Variants in CUL2 observed in about 807,000 individuals in gnomAD.
CUL2 encodes the protein cullin-2.
Under a neutral mutation model 110.2 loss-of-function variants are expected in CUL2, and 22 were observed. That is an observed-to-expected ratio of 0.20 (90% CI 0.14 to 0.28). The LOEUF (loss-of-function observed/expected upper bound fraction) is 0.28. Among genes scored for constraint, CUL2 ranks in the 10% least tolerant of loss-of-function variants. The pLI is 1.00. For missense variants in CUL2, 631 were observed against 905.5 expected, an observed-to-expected ratio of 0.70 and a Z score of 3.89; for synonymous variants, 279 against 293.2, an observed-to-expected ratio of 0.95 and a Z score of 0.49.
At chr10:35,085,759 AC>A (rs1215845521) in intron 1 of CUL2, among the ~76,000 whole-genome samples, 2 of 152,208 alleles carry the variant, frequency 1.3e-5, no homozygotes, top group African/African-American at 4.8e-5. Context: ...TCACAGCCAG[AC>A]ATTTTTCCAG....
chr10:35,041,599 G>A (rs954385153), intron 8 of CUL2, among the ~76,000 whole-genome samples: 2 of 152,184 alleles, frequency 1.3e-5, no homozygotes, highest in African/African-American at 2.4e-5. Context: ...GGGCAGTGGT[G>A]CAATCTCGGC....
chr10:35,025,225 T>G (rs769804277), intron 16 of CUL2, 27 bp from the exon 17 acceptor site: 4 of 1,526,842 alleles, frequency 2.6e-6, no homozygotes, highest in Non-Finnish European at 2.6e-6. Context: ...AAAACACACA[T>G]TATTTTTAGC....
At chr10:35,028,727 C>A (rs527336680) in intron 16 of CUL2, 83 bp downstream of exon 16, 4 of 896,210 alleles carry the variant, frequency 4.5e-6, no homozygotes, top group Non-Finnish European at 7.0e-6. Flanking sequence ...CCTTAAGACT[C>A]TGAAAAAATA....
intron 1 of CUL2, among the ~76,000 whole-genome samples, chr10:35,074,847 G>A (rs1332391340): frequency 1.3e-5 from 2 of 152,104 alleles, no homozygotes; most frequent in Non-Finnish European, 2.9e-5. Context: ...TCCTATCATA[G>A]GTATTACCTG....
chr10:35,079,525 G>A (rs1288188771), intron 1 of CUL2: 1 of 152,626 alleles, frequency 6.6e-6, no homozygotes, highest in African/African-American at 2.4e-5. Context: ...ACCCACCAGT[G>A]TAATGCCTTT....
At chr10:35,117,210 T>C (rs1390735281) in intron 1 of CUL2, among the ~76,000 whole-genome samples, 1 of 152,140 alleles carries the variant, frequency 6.6e-6, no homozygotes, top group Non-Finnish European at 1.5e-5. Flanking sequence ...TACTGGTATA[T>C]GTTTAGCTAG....
Position 35,032,434 on chromosome 10 carries a change from C to T in CUL2, c.1170+1G>A. ...TACTTTTCAGCAACCACCAAACTTA[C>T]CAGTTCAGGTGCTTTGCAAACAGAC... is the stretch of plus-strand genomic sequence containing the variant. On this transcript the variant is annotated splice_donor_variant, in intron 12 of 20. Coordinates refer to ENST00000374749, the MANE Select transcript of CUL2 (RefSeq NM_003591.4). LOFTEE classifies it high-confidence loss of function. 1 of 1,592,326 alleles carries T rather than the reference C, an allele frequency of 6.3e-7. No individual in the cohort carries two copies. The highest frequency in any genetic ancestry group is 1.8e-5 in the Admixed American group (1 of 54,236).
At chr10:35,048,419 A>G (rs890213421) in intron 6 of CUL2, among the ~76,000 whole-genome samples, 15 of 152,208 alleles carry the variant, frequency 9.9e-5, no homozygotes, top group African/African-American at 3.6e-4. Context: ...GCAAACTAAC[A>G]ATCACACTAA....
At chr10:35,063,120 A>AT (rs1416635264) in intron 2 of CUL2, 58 bp from the exon 3 acceptor site, 6 of 993,276 alleles carry the variant, frequency 6.0e-6, no homozygotes, top group Non-Finnish European at 9.3e-6. Flanking sequence ...ACATAATGAG[A>AT]TTTACCTTGT....
In CUL2 at chr10:35,009,861, ATTTC is replaced by A. The variant is rs1293891499; in HGVS notation, c.*446_*449del. On this transcript the variant is annotated 3_prime_UTR_variant, in exon 21 of 21. Transcript: ENST00000374749. The stretch of plus-strand genomic sequence containing the variant: ...TCCATCCACATAAAAAAGGCATTCT[ATTTC>A]TTTATTTTTTTTTTATTTGACAAGC... The A allele has an allele frequency of 1.3e-5, 2 of 151,856 alleles. No homozygotes were observed. Among genetic ancestry groups the A allele is most frequent in the African/African-American group, 2.4e-5 (1 of 41,184 alleles). The allele number at this position is 151,856 out of a possible 1,614,324, so 9.4% of individuals were successfully genotyped here. A position where few individuals can be genotyped will look rare whatever the true frequency, so the allele number is the denominator to read the frequency against.
chr10:35,009,547 C>G lies in CUL2; in HGVS notation c.*764G>C, dbSNP rs1323894445. The G allele has an allele frequency of 1.3e-5, 2 of 152,156 alleles. No homozygotes were observed. The highest frequency in any genetic ancestry group is 4.8e-5 in the African/African-American group (2 of 41,424). 9.4% of individuals were successfully genotyped at this position (152,156 alleles called of 1,614,324 possible). On this transcript the variant is annotated 3_prime_UTR_variant, in exon 21 of 21. Coordinates refer to ENST00000374749, the MANE Select transcript of CUL2 (RefSeq NM_003591.4). ...CTCTCTGTGCCAGACTTGAGGTCAC[C>G]AAGCATCCTGCTCACACTCTGCGAT...
intron 1 of CUL2, among the ~76,000 whole-genome samples, chr10:35,077,270 G>C (rs966484741): frequency 6.6e-6 from 1 of 151,456 alleles, no homozygotes; most frequent in African/African-American, 2.4e-5. Context: ...CTCCAGTCTG[G>C]GCAACAGAGC....
rs368871909 is a variant in CUL2 at position 35,068,272 on chromosome 10, A to G, written c.119+2927T>C. On this transcript the variant is annotated intron_variant, in intron 2 of 20. Transcript: ENST00000374749. ...CCCCATTTCTACCAAAAATACAAAA[A>G]TTAGCCAGGCATGGTGGCGGGCACT... Among the ~76,000 whole-genome samples the G allele has an allele frequency of 4.9e-4, 75 of 152,016 alleles. No individual in the cohort carries two copies. The South Asian group carries it at 0.015, about 31-fold the overall frequency.
At chr10:35,052,907 GA>G (rs576908955) in intron 5 of CUL2, among the ~76,000 whole-genome samples, 4,885 of 134,442 alleles carry the variant, frequency 0.036, 255 homozygotes, top group African/African-American at 0.12. Context: ...AAAAAAAAAA[GA>G]AAAAAAAAAA....
chr10:35,031,718 A>G lies in CUL2; in HGVS notation c.1171-99T>C. 1 of 1,351,060 alleles carries G rather than the reference A, an allele frequency of 7.4e-7. No homozygotes were observed. The highest frequency in any genetic ancestry group is 1.0e-6 in the Non-Finnish European group (1 of 976,238). 83.7% of individuals were successfully genotyped at this position (1,351,060 alleles called of 1,614,324 possible). On this transcript the variant is annotated intron_variant, in intron 12 of 20. Coordinates refer to ENST00000374749, the MANE Select transcript of CUL2 (RefSeq NM_003591.4). This position sits in a 1 kb window ranked among gnomAD's most constrained non-coding sequence, Gnocchi z 4.4. The stretch of plus-strand genomic sequence containing the variant: ...GTGATACAAGGTAAGATCAGCGGAC[A>G]GAATTTTTGCTGTTTTTTTTAGAGA...
intron 1 of CUL2, chr10:35,074,188 C>G (rs754889445): frequency 2.8e-5 from 43 of 1,535,296 alleles, no homozygotes; most frequent in Middle Eastern, 1.7e-4. Flanking sequence ...CAAAAATAAC[C>G]TACCTAAGCC....
intron 1 of CUL2, among the ~76,000 whole-genome samples, chr10:35,076,687 A>AT (rs1268419410): frequency 6.6e-6 from 1 of 152,046 alleles, no homozygotes; most frequent in Non-Finnish European, 1.5e-5. Context: ...TAAACATGGT[A>AT]TTTTTTTCAT....
chr10:35,042,030 A>G (rs920665231), intron 8 of CUL2, among the ~76,000 whole-genome samples: 11 of 152,246 alleles, frequency 7.2e-5, no homozygotes, highest in African/African-American at 2.7e-4. Flanking sequence ...AATAAAATTT[A>G]CATTAGCCAT....
At chr10:35,113,406 T>G (rs980731979) in intron 1 of CUL2, among the ~76,000 whole-genome samples, 2 of 135,510 alleles carry the variant, frequency 1.5e-5, no homozygotes, top group Non-Finnish European at 3.1e-5. Flanking sequence ...GCTGGGGCAG[T>G]AGAATTGCTT....
Sources: allele counts gnomAD v4.1 joint callset (sites outside exome capture counted in the v4.1 genomes callset), GRCh38; gene constraint gnomAD v4.1.1; non-coding constraint Gnocchi (gnomAD v3.1); transcripts MANE v1.5; gene names NCBI Gene and HGNC (gene_info 2026-07-23, HGNC 2026-07-21).